The following TJP1 variants were observed in gnomAD, a reference collection of about 807,000 sequenced individuals.
TJP1 encodes the protein tight junction protein ZO-1.
A neutral mutation model predicts 194.2 loss-of-function variants in TJP1; 43 were observed. The ratio of observed to expected loss-of-function variants is 0.22; its 90% CI spans 0.17 to 0.29. TJP1 has a LOEUF of 0.29. Ranked by LOEUF, TJP1 falls within the 10% of genes least tolerant of loss-of-function variation. The pLI is 1.00. For missense variants in TJP1, 1,971 were observed against 2,185.7 expected (o/e 0.90, Z 1.96); for synonymous variants, 801 against 779.0 (o/e 1.03, Z -0.47).
chr15:29,968,633 C>T, intron 1 of TJP1: 4 of 1,007,540 alleles, frequency 4.0e-6, no homozygotes, highest in Non-Finnish European at 4.8e-6. Flanking sequence ...GCGCCTAGCC[C>T]GGCTGGGGCT....
intron 2 of TJP1, among the ~76,000 whole-genome samples, chr15:29,854,697 A>C (rs1307507837): frequency 6.6e-6 from 1 of 152,198 alleles, no homozygotes; most frequent in Non-Finnish European, 1.5e-5. Context: ...TGGCAGCCAC[A>C]GGAACAGTTT....
At chr15:29,799,756 C>T (rs1216016291) in intron 2 of TJP1, among the ~76,000 whole-genome samples, 5 of 152,128 alleles carry the variant, frequency 3.3e-5, no homozygotes, top group African/African-American at 1.2e-4. Flanking sequence ...CCATTATCTA[C>T]TATGTGCAGA....
intron 2 of TJP1, among the ~76,000 whole-genome samples, chr15:29,943,255 A>C (rs1051293325): frequency 6.6e-6 from 1 of 152,192 alleles, no homozygotes; most frequent in Non-Finnish European, 1.5e-5. Flanking sequence ...GAATTTAGCT[A>C]ATCCTTCTTT....
intron 8 of TJP1, among the ~76,000 whole-genome samples, chr15:29,746,520 T>C (rs1033796372): frequency 3.3e-5 from 5 of 152,144 alleles, no homozygotes; most frequent in Non-Finnish European, 7.4e-5. Context: ...CACATGCCCA[T>C]GTACAGACAA....
At chr15:29,947,341 T>C (rs531855542) in intron 2 of TJP1, among the ~76,000 whole-genome samples, 3 of 152,228 alleles carry the variant, frequency 2.0e-5, no homozygotes, top group Non-Finnish European at 2.9e-5. Context: ...ATGGGAAAAA[T>C]AGTCTCAGAA....
At chr15:29,891,576 C>A (rs565203573) in intron 2 of TJP1, among the ~76,000 whole-genome samples, 13 of 152,332 alleles carry the variant, frequency 8.5e-5, no homozygotes, top group Admixed American at 3.9e-4. Context: ...ATTCTTCCAA[C>A]AGCATGTGCT....
intron 2 of TJP1, among the ~76,000 whole-genome samples, chr15:29,918,151 G>A (rs1034641923): frequency 6.6e-6 from 1 of 152,206 alleles, no homozygotes; most frequent in African/African-American, 2.4e-5. Flanking sequence ...TGTAGCATGT[G>A]TTAGAGTTTC....
chr15:29,781,396 A>C (rs1041763713), intron 2 of TJP1, among the ~76,000 whole-genome samples: 4 of 152,222 alleles, frequency 2.6e-5, no homozygotes, highest in African/African-American at 7.2e-5. Flanking sequence ...TGTACAAACA[A>C]GAGCTGGAAC....
intron 15 of TJP1, chr15:29,730,934 T>C (rs1436563364): frequency 8.2e-7 from 1 of 1,221,828 alleles, no homozygotes; most frequent in Non-Finnish European, 1.2e-6. Context: ...AAAATGGAGA[T>C]GCCAAAACAG....
At chr15:29,814,967 G>A (rs2049808832) in intron 1 of TJP1, among the ~76,000 whole-genome samples, 1 of 152,160 alleles carries the variant, frequency 6.6e-6, no homozygotes, top group Non-Finnish European at 1.5e-5. Flanking sequence ...ACAGTACAAA[G>A]TTTGGTAACA....
rs149487081 is a variant in TJP1 at position 29,876,423 on chromosome 15, A to T, written c.307-75721T>A. ...GTAATCCCAGCTACTCAGGAGGCTGAGACAGGAGAATTGCTTGAACCCAGG... is the reference window on the plus strand; with the variant it reads ...GTAATCCCAGCTACTCAGGAGGCTGTGACAGGAGAATTGCTTGAACCCAGG... On this transcript the variant is annotated intron_variant, in intron 2 of 28. Coordinates refer to the TJP1 transcript ENST00000356107. Among the ~76,000 whole-genome samples the T allele has an allele frequency of 4.6e-3, 700 of 152,216 alleles. 7 individuals carry two copies. Among genetic ancestry groups the T allele is most frequent in the African/African-American group, 0.016 (667 of 41,520 alleles).
At chr15:29,719,756 G>C in intron 20 of TJP1, 21 bp downstream of exon 20, 4 of 1,598,760 alleles carry the variant, frequency 2.5e-6, no homozygotes, top group Non-Finnish European at 3.4e-6. Flanking sequence ...ACAAATTAGT[G>C]CAACACCGCA....
chr15:29,823,176 A>T (rs1318290493), upstream of TJP1: 1 of 152,162 alleles, frequency 6.6e-6, no homozygotes, highest in Non-Finnish European at 1.5e-5. Flanking sequence ...TGAAAAGTTT[A>T]TTTTTGGCCA....
At chr15:29,819,759 C>A (rs988336705) in intron 1 of TJP1, among the ~76,000 whole-genome samples, 1 of 152,150 alleles carries the variant, frequency 6.6e-6, no homozygotes, top group Non-Finnish European at 1.5e-5. Flanking sequence ...TGTTTCATCT[C>A]GTTTATTCAG....
In TJP1 at chr15:29,714,688, C is replaced by A. The variant is rs147578117; in HGVS notation, c.4202+1923G>T. Among the ~76,000 whole-genome samples the A allele has an allele frequency of 8.0e-3, 1,214 of 150,822 alleles. 20 individuals are homozygous for A. The highest frequency in any genetic ancestry group is 0.028 in the African/African-American group (1,133 of 41,068). On this transcript the variant is annotated intron_variant, in intron 23 of 27. Transcript: ENST00000614355. Reference sequence around the variant, plus strand: ...CCCGAGTAGCTGGGACTATAGGAGCCCGCCACCACGCCCCGCTGATTTTTT... The same window carrying A: ...CCCGAGTAGCTGGGACTATAGGAGCACGCCACCACGCCCCGCTGATTTTTT...
chr15:29,862,868 G>T lies in TJP1; in HGVS notation c.307-62166C>A, dbSNP rs1174945924. ...TTTCACCGTGTTAGCCAGGATGGTC[G>T]CGATCTCCTGACTTCGTGATCCGCC... On this transcript the variant is annotated intron_variant, in intron 2 of 28. Coordinates refer to the TJP1 transcript ENST00000356107. 1.2e-4 allele frequency among the ~76,000 whole-genome samples: 18 copies of T among 151,036 alleles called. No homozygotes were observed. The East Asian group carries it at 2.8e-3, about 24-fold the overall frequency.
intron 1 of TJP1, among the ~76,000 whole-genome samples, chr15:29,815,536 G>A (rs2049852222): frequency 6.6e-6 from 1 of 152,160 alleles, no homozygotes; most frequent in Non-Finnish European, 1.5e-5. Flanking sequence ...ATAATGCTCA[G>A]TCATACACAA....
chr15:29,727,095 G>A, intron 16 of TJP1, 104 bp from the exon 17 acceptor site: 1 of 1,026,594 alleles, frequency 9.7e-7, no homozygotes, highest in Non-Finnish European at 1.4e-6. Context: ...TATAATCCTA[G>A]CACTTTGGGA....
At position 29,900,593 on chromosome 15, in the gene TJP1, C is replaced by T. The variant is rs778539939; in HGVS notation, c.306+55639G>A. Among the ~76,000 whole-genome samples, 56 of 152,234 alleles carry T rather than the reference C, an allele frequency of 3.7e-4. 1 individual carries two copies. The highest frequency in any genetic ancestry group is 5.4e-4 in the Non-Finnish European group (37 of 68,014). On this transcript the variant is annotated intron_variant, in intron 2 of 28. Transcript: ENST00000356107. ...ACATGCAGAGCTGAGAGAAAAAAGT[C>T]AAGGATGACCCCAAGGTTTCTGGCC...
Sources: allele counts gnomAD v4.1 joint callset (sites outside exome capture counted in the v4.1 genomes callset), GRCh38; gene constraint gnomAD v4.1.1; transcripts MANE v1.5; gene names NCBI Gene and HGNC (gene_info 2026-07-23, HGNC 2026-07-21).